The following ENTREP2 variants were observed in gnomAD, a reference collection of about 807,000 sequenced individuals.
ENTREP2 encodes protein ENTREP2.
At chr15:29,634,954 T>C in the ENTREP2 span, among the ~76,000 whole-genome samples, 1 of 152,144 alleles carries the variant, frequency 6.6e-6, no homozygotes, top group Non-Finnish European at 1.5e-5. Context: ...CAAAAGCTCC[T>C]GCCATCCAGC....
chr15:29,663,213 T>C, the ENTREP2 span, among the ~76,000 whole-genome samples: 3 of 152,232 alleles, frequency 2.0e-5, no homozygotes, highest in South Asian at 4.1e-4. Flanking sequence ...AAGAATCATT[T>C]TTAGTAATAA....
chr15:29,603,453 C>T, the ENTREP2 span, among the ~76,000 whole-genome samples: 17 of 152,018 alleles, frequency 1.1e-4, no homozygotes, highest in South Asian at 6.2e-4. Flanking sequence ...GTCCACCAGA[C>T]GAGGTGATAG....
the ENTREP2 span, among the ~76,000 whole-genome samples, chr15:29,221,507 G>A: frequency 4.7e-4 from 71 of 152,194 alleles, no homozygotes; most frequent in African/African-American, 1.6e-3. Context: ...ACACTTTCAA[G>A]GACAGCTTAG....
the ENTREP2 span, among the ~76,000 whole-genome samples, chr15:29,516,613 G>C: frequency 2.6e-4 from 40 of 151,814 alleles, no homozygotes; most frequent in South Asian, 7.9e-3. Context: ...GGGATGGGGG[G>C]GTGCAGGTAC....
chr15:29,322,564 A>C, the ENTREP2 span, among the ~76,000 whole-genome samples: 2 of 152,244 alleles, frequency 1.3e-5, no homozygotes, highest in African/African-American at 4.8e-5. Context: ...TCACACAAGA[A>C]GCTGCCTTTC....
the ENTREP2 span, among the ~76,000 whole-genome samples, chr15:29,487,310 T>C: frequency 6.6e-6 from 1 of 152,192 alleles, no homozygotes. Flanking sequence ...CTTTCACCTC[T>C]GGATGAGCTC....
At chr15:29,352,147 C>G in the ENTREP2 span, among the ~76,000 whole-genome samples, 2 of 151,858 alleles carry the variant, frequency 1.3e-5, no homozygotes, top group Admixed American at 6.6e-5. Context: ...GTTGCTCGGG[C>G]TGGACTCTAA....
the ENTREP2 span, chr15:29,613,219 T>C: frequency 6.1e-6 from 1 of 164,842 alleles, no homozygotes; most frequent in Admixed American, 6.3e-5. Flanking sequence ...ATAAAAAGCG[T>C]TTCTTTTCTG....
the ENTREP2 span, among the ~76,000 whole-genome samples, chr15:29,223,080 TCAAA>T: frequency 2.8e-4 from 43 of 152,234 alleles, no homozygotes; most frequent in East Asian, 1.9e-4. Context: ...CAAGAACAAA[TCAAA>T]CAAAGAAGCT....
the ENTREP2 span, among the ~76,000 whole-genome samples, chr15:29,551,510 T>C: frequency 6.6e-6 from 1 of 152,164 alleles, no homozygotes; most frequent in South Asian, 2.1e-4. Flanking sequence ...CCTGGAGCTA[T>C]ATACAAAATA....
the ENTREP2 span, among the ~76,000 whole-genome samples, chr15:29,219,610 CATAAATATATATATATATATATATATAT>C: frequency 2.0e-5 from 2 of 97,994 alleles, no homozygotes; most frequent in African/African-American, 9.9e-5. Flanking sequence ...AACTGTGGTG[CATAAATATATATATATATATATATATAT>C]ATATATATAT....
the ENTREP2 span, among the ~76,000 whole-genome samples, chr15:29,671,396 A>C: frequency 6.6e-6 from 1 of 152,214 alleles, no homozygotes. Context: ...ACAGAAGTGT[A>C]GGTTCTCTGA....
the ENTREP2 span, among the ~76,000 whole-genome samples, chr15:29,160,021 G>T: frequency 2.5e-4 from 38 of 152,340 alleles, 1 homozygote; most frequent in East Asian, 5.4e-3. Context: ...CCACGGAGAC[G>T]GGGGAGGCTC....
the ENTREP2 span, among the ~76,000 whole-genome samples, chr15:29,426,854 T>A: frequency 1.3e-5 from 2 of 152,212 alleles, no homozygotes; most frequent in Non-Finnish European, 2.9e-5. Flanking sequence ...CTATGCACAC[T>A]GGGCGCCGAG....
the ENTREP2 span, among the ~76,000 whole-genome samples, chr15:29,657,367 T>A: frequency 7.3e-5 from 11 of 150,336 alleles, no homozygotes; most frequent in Admixed American, 6.7e-4. Context: ...GTGTTACAGT[T>A]CTTACAAATG....
chr15:29,636,071 A>C, the ENTREP2 span, among the ~76,000 whole-genome samples: 2 of 152,268 alleles, frequency 1.3e-5, no homozygotes, highest in South Asian at 4.1e-4. Context: ...GTCTTCAAGG[A>C]CAGAAAGAAA....
chr15:29,422,233 G>C, the ENTREP2 span, among the ~76,000 whole-genome samples: 1 of 151,758 alleles, frequency 6.6e-6, no homozygotes, highest in African/African-American at 2.4e-5. Flanking sequence ...TCGCGCCATT[G>C]CACTCCAGCC....
At chr15:29,334,922 T>C in the ENTREP2 span, among the ~76,000 whole-genome samples, 1 of 152,206 alleles carries the variant, frequency 6.6e-6, no homozygotes, top group African/African-American at 2.4e-5. Flanking sequence ...CTGGCTGCTC[T>C]GTCTATCCCA....
At chr15:29,589,355 C>T in the ENTREP2 span, among the ~76,000 whole-genome samples, 1 of 152,198 alleles carries the variant, frequency 6.6e-6, no homozygotes, top group Admixed American at 6.5e-5. Context: ...AAAACCTCGC[C>T]TTCTTGGCTC....
Sources: gnomAD v4.1 joint callset for allele counts (sites outside exome capture counted in the v4.1 genomes callset) on GRCh38, gnomAD v4.1.1 for gene constraint, MANE v1.5 for transcripts, NCBI Gene and HGNC (gene_info 2026-07-23, HGNC 2026-07-21) for gene names.